The following HDAC4 variants were observed in gnomAD, a reference collection of about 807,000 sequenced individuals.
HDAC4 encodes histone deacetylase A.
A neutral mutation model predicts 135.1 loss-of-function variants in HDAC4; 16 were observed. The observed-to-expected ratio is 0.12, with a 90% CI of 0.08 to 0.18. The LOEUF (loss-of-function observed/expected upper bound fraction) is 0.18. Ranked by LOEUF, HDAC4 falls within the 10% of genes least tolerant of loss-of-function variation. The pLI is 1.00. For synonymous variants in HDAC4, 685 were observed against 653.4 expected, an observed-to-expected ratio of 1.05 and a Z score of -0.74; for missense variants, 1,143 against 1,511.8, an observed-to-expected ratio of 0.76 and a Z score of 4.05.
intron 2 of HDAC4, among the ~76,000 whole-genome samples, chr2:239,282,246 G>A (rs1203387309): frequency 9.6e-6 from 1 of 104,264 alleles, no homozygotes; most frequent in Non-Finnish European, 1.9e-5. Flanking sequence ...ACTCTACAAT[G>A]TACACACCAC....
intron 4 of HDAC4, among the ~76,000 whole-genome samples, chr2:239,182,265 G>A (rs1196969337): frequency 2.6e-5 from 4 of 152,128 alleles, no homozygotes; most frequent in South Asian, 2.1e-4. Context: ...TCGTCATGGC[G>A]AGCCCCTCCC....
Position 239,077,146 on chromosome 2 carries a change from T to G in HDAC4, c.2750+3949A>C, listed in dbSNP as rs113038454. On this transcript the variant is annotated intron_variant, in intron 22 of 26. Coordinates refer to ENST00000543185, the MANE Select transcript of HDAC4 (RefSeq NM_001378414.1). ...TGCCACAAGACGGGCCTGTCCAACA[T>G]GCAGAGCTGGCCGTGATGCTTCTTC... is the stretch of plus-strand genomic sequence containing the variant. Among the ~76,000 whole-genome samples the G allele has an allele frequency of 6.9e-3, 1,056 of 152,350 alleles. 6 individuals are homozygous for G. Among genetic ancestry groups the G allele is most frequent in the African/African-American group, 0.024 (1,009 of 41,586 alleles).
chr2:239,094,851 C>G (rs1195769086), intron 17 of HDAC4, 159 bp downstream of exon 17: 2 of 1,553,742 alleles, frequency 1.3e-6, no homozygotes, highest in Admixed American at 1.8e-5. Context: ...AAAACGCTCT[C>G]GGCTCACACG....
intron 12 of HDAC4, among the ~76,000 whole-genome samples, chr2:239,125,750 C>T (rs2040141548): frequency 6.6e-6 from 1 of 152,264 alleles, no homozygotes. Flanking sequence ...TCTTCACGAG[C>T]ATCACAGTGC....
Position 239,309,630 on chromosome 2 carries a change from C to A in HDAC4, c.22+43048G>T, listed in dbSNP as rs930423486. The stretch of plus-strand genomic sequence containing the variant: ...AGGAGCCCCTGCCAGTGAGGGCCAG[C>A]GAGGGGCCCAGGGAGAAGATGGAGG... On this transcript the variant is annotated intron_variant, in intron 2 of 26. Coordinates refer to ENST00000543185, the MANE Select transcript of HDAC4 (RefSeq NM_001378414.1). This position sits in a 1 kb window ranked among gnomAD's most constrained non-coding sequence, Gnocchi z 4.2. Among the ~76,000 whole-genome samples the A allele has an allele frequency of 6.6e-6, 1 of 152,228 alleles. No individual in the cohort carries two copies. Among genetic ancestry groups the A allele is most frequent in the Admixed American group, 6.5e-5 (1 of 15,290 alleles).
intron 4 of HDAC4, among the ~76,000 whole-genome samples, chr2:239,179,308 G>C (rs1235895466): frequency 6.6e-6 from 1 of 152,232 alleles, no homozygotes; most frequent in Non-Finnish European, 1.5e-5. Context: ...TGGACGGGTA[G>C]CAGCAGTCCC....
intron 2 of HDAC4, among the ~76,000 whole-genome samples, chr2:239,283,667 AT>A (rs1327391852): frequency 6.6e-6 from 1 of 152,164 alleles, no homozygotes; most frequent in Admixed American, 6.5e-5. Flanking sequence ...AGTTTAGCTA[AT>A]TTCGTTTTCA....
intron 24 of HDAC4, among the ~76,000 whole-genome samples, chr2:239,063,294 G>C (rs184910967): frequency 6.6e-6 from 1 of 151,646 alleles, no homozygotes; most frequent in Non-Finnish European, 1.5e-5. Flanking sequence ...TCCGCCTCCC[G>C]GGTTCACGCC....
At chr2:239,081,976 G>A in intron 21 of HDAC4, 126 bp downstream of exon 21, 1 of 975,728 alleles carries the variant, frequency 1.0e-6, no homozygotes, top group Non-Finnish European at 1.6e-6. Flanking sequence ...TTACTGTCTG[G>A]GCTTAAGTGA....
At chr2:239,074,838 A>G (rs192731155) in intron 22 of HDAC4, among the ~76,000 whole-genome samples, 1 of 152,344 alleles carries the variant, frequency 6.6e-6, no homozygotes, top group Admixed American at 6.5e-5. Flanking sequence ...TTCCTACAAG[A>G]GGAAGCTGAA....
chr2:239,102,520 C>G (rs1271773970), intron 16 of HDAC4: 4 of 494,286 alleles, frequency 8.1e-6, no homozygotes, highest in African/African-American at 1.9e-5. Flanking sequence ...CCTCTCAAAC[C>G]TAAACTCTGA....
intron 1 of HDAC4, among the ~76,000 whole-genome samples, chr2:239,356,962 G>A (rs556742533): frequency 3.5e-4 from 53 of 152,272 alleles, no homozygotes; most frequent in African/African-American, 1.3e-3. Context: ...CTTAGTAGCT[G>A]TTAGAACAAG....
At position 239,240,593 on chromosome 2, in the gene HDAC4, T is replaced by C. The variant is rs2048123067; in HGVS notation, c.23-3929A>G. ...CCCCTTATCTGTCTCCGCTTGAGAATCTATTTTTGGAAACCCTGCTGGACA... is the reference window on the plus strand; with the variant it reads ...CCCCTTATCTGTCTCCGCTTGAGAACCTATTTTTGGAAACCCTGCTGGACA... On this transcript the variant is annotated intron_variant, in intron 2 of 26. Coordinates refer to ENST00000543185, the MANE Select transcript of HDAC4 (RefSeq NM_001378414.1). The surrounding 1 kb of genome is among the most constrained non-coding windows in gnomAD (Gnocchi z 4.5). Among the ~76,000 whole-genome samples the C allele has an allele frequency of 6.6e-6, 1 of 152,130 alleles. No homozygotes were observed. Among genetic ancestry groups the C allele is most frequent in the Non-Finnish European group, 1.5e-5 (1 of 68,020 alleles).
rs2052707694 is a variant in HDAC4 at position 239,308,310 on chromosome 2, C to T, written c.22+44368G>A. Among the ~76,000 whole-genome samples the T allele has an allele frequency of 6.6e-6, 1 of 152,120 alleles. No homozygotes were observed. The highest frequency in any genetic ancestry group is 2.1e-4 in the South Asian group (1 of 4,826). ...ACTTTCTTCCTCATCAAGCTGGCCC[C>T]CTGGTGACACGGGACAAGAGGATAA... On this transcript the variant is annotated intron_variant, in intron 2 of 26. Coordinates refer to ENST00000543185, the MANE Select transcript of HDAC4 (RefSeq NM_001378414.1). The surrounding 1 kb of genome is among the most constrained non-coding windows in gnomAD (Gnocchi z 4.2).
chr2:239,259,435 C>T (rs1454311936), intron 2 of HDAC4, among the ~76,000 whole-genome samples: 1 of 152,120 alleles, frequency 6.6e-6, no homozygotes, highest in African/African-American at 2.4e-5. Flanking sequence ...CAGAGCAAGA[C>T]CCCGTCTCAA....
chr2:239,157,890 G>A (rs1247262500), intron 6 of HDAC4, among the ~76,000 whole-genome samples: 1 of 152,194 alleles, frequency 6.6e-6, no homozygotes, highest in Non-Finnish European at 1.5e-5. Flanking sequence ...CCTGGGCAGT[G>A]GGGTGCTGGG....
At chr2:239,288,643 C>T (rs2051282732) in intron 2 of HDAC4, among the ~76,000 whole-genome samples, 1 of 151,374 alleles carries the variant, frequency 6.6e-6, no homozygotes, top group Non-Finnish European at 1.5e-5. Context: ...ATTCCAAAAA[C>T]TAGCAAGGGA....
chr2:239,116,561 T>A (rs3791421), intron 12 of HDAC4, among the ~76,000 whole-genome samples: 1 of 152,258 alleles, frequency 6.6e-6, no homozygotes, highest in African/African-American at 2.4e-5. Flanking sequence ...GCATGGCTCC[T>A]GGGAGGCCCC....
chr2:239,154,551 C>T (rs905752666), intron 7 of HDAC4: 3 of 152,206 alleles, frequency 2.0e-5, no homozygotes, highest in African/African-American at 4.8e-5. Context: ...AGGGTTCTTC[C>T]GGGTAGGCAT....
Sources: allele counts gnomAD v4.1 joint callset (sites outside exome capture counted in the v4.1 genomes callset), GRCh38; gene constraint gnomAD v4.1.1; non-coding constraint Gnocchi (gnomAD v3.1); transcripts MANE v1.5; gene names NCBI Gene and HGNC (gene_info 2026-07-23, HGNC 2026-07-21).